KCNIP1: variants seen among roughly 807,000 people sequenced by gnomAD.
KCNIP1 encodes the protein A-type potassium channel modulatory protein KCNIP1.
In KCNIP1, 18 loss-of-function variants were observed where a neutral mutation model predicts 33.0. The observed-to-expected ratio is 0.55, with a 90% CI of 0.38 to 0.81. The LOEUF (loss-of-function observed/expected upper bound fraction) is 0.81. KCNIP1 is among the 30% of genes least tolerant of loss of function. The pLI is 0.00. For missense variants in KCNIP1, 238 were observed against 271.6 expected (o/e 0.88, Z 0.87); for synonymous variants, 93 against 98.3 (o/e 0.95, Z 0.32).
intron 1 of KCNIP1, among the ~76,000 whole-genome samples, chr5:170,496,622 C>A (rs1379054489): frequency 6.6e-6 from 1 of 152,188 alleles, no homozygotes; most frequent in Non-Finnish European, 1.5e-5. Context: ...CCTCAGGAGA[C>A]TAAAGCAGGG....
chr5:170,659,460 G>A (rs10043914), intron 1 of KCNIP1, among the ~76,000 whole-genome samples: 30,102 of 151,996 alleles, frequency 0.2, 3,835 homozygotes, highest in African/African-American at 0.36. Flanking sequence ...AAAATTTGGG[G>A]AAAAAAGCAA....
intron 1 of KCNIP1, among the ~76,000 whole-genome samples, chr5:170,426,020 T>G (rs1755605814): frequency 6.6e-6 from 1 of 152,162 alleles, no homozygotes; most frequent in South Asian, 2.1e-4. Flanking sequence ...CAGGTCAGTT[T>G]GGCAGTGTGC....
chr5:170,499,225 T>C (rs979799425), upstream of KCNIP1, among the ~76,000 whole-genome samples: 10 of 152,174 alleles, frequency 6.6e-5, no homozygotes, highest in African/African-American at 2.4e-4. Context: ...ATGGGGACCC[T>C]GAGAATAGAT....
At chr5:170,391,542 A>G (rs1754591260) in intron 1 of KCNIP1, among the ~76,000 whole-genome samples, 1 of 152,226 alleles carries the variant, frequency 6.6e-6, no homozygotes, top group Non-Finnish European at 1.5e-5. Flanking sequence ...GGGCAAGAAA[A>G]TAACAATGCT....
rs564298845 is a variant in KCNIP1, at chr5:170,418,858, C to A, written c.88+64894C>A. 7.9e-5 allele frequency among the ~76,000 whole-genome samples: 12 copies of A among 152,316 alleles called. No individual in the cohort carries two copies. In the South Asian group the frequency reaches 2.3e-3, roughly 29 times the overall value. On this transcript the variant is annotated intron_variant, in intron 1 of 7. Transcript: ENST00000377360. ...ATCCATACAAGTTCCTCAACCCTGG[C>A]TTTCTTGCCCTCAAGTAACCAGTTC... is the stretch of plus-strand genomic sequence containing the variant.
At chr5:170,387,647 AAG>A (rs1362189356) in intron 1 of KCNIP1, among the ~76,000 whole-genome samples, 1 of 152,178 alleles carries the variant, frequency 6.6e-6, no homozygotes, top group Non-Finnish European at 1.5e-5. Flanking sequence ...GCCCCCGACA[AAG>A]AGAGATGTTT....
At chr5:170,534,815 C>T (rs1212723675) in intron 1 of KCNIP1, among the ~76,000 whole-genome samples, 1 of 150,070 alleles carries the variant, frequency 6.7e-6, no homozygotes, top group Admixed American at 6.6e-5. Flanking sequence ...AGCTACCATA[C>T]CATGCCCGGC....
intron 1 of KCNIP1, among the ~76,000 whole-genome samples, chr5:170,453,066 G>A (rs1375778418): frequency 6.6e-6 from 1 of 152,130 alleles, no homozygotes; most frequent in Non-Finnish European, 1.5e-5. Flanking sequence ...TAAATTATAC[G>A]TCCGTGCAGT....
intron 1 of KCNIP1, among the ~76,000 whole-genome samples, chr5:170,392,145 C>T (rs906129332): frequency 2.0e-5 from 3 of 152,118 alleles, no homozygotes; most frequent in Admixed American, 6.5e-5. Flanking sequence ...AGGCCCCGTG[C>T]TCCAGCTGAC....
chr5:170,561,141 A>G, intron 1 of KCNIP1: 1 of 455,972 alleles, frequency 2.2e-6, no homozygotes, highest in Non-Finnish European at 4.4e-6. Context: ...GGAGCTGGAG[A>G]TGTGTTTATG....
intron 1 of KCNIP1, among the ~76,000 whole-genome samples, chr5:170,551,187 C>G (rs1379160875): frequency 6.6e-6 from 1 of 152,228 alleles, no homozygotes; most frequent in Non-Finnish European, 1.5e-5. Context: ...GGGTCCAGCT[C>G]AATGGTGAGA....
chr5:170,565,463 G>C (rs567009430), intron 1 of KCNIP1, among the ~76,000 whole-genome samples: 7 of 152,332 alleles, frequency 4.6e-5, no homozygotes, highest in African/African-American at 1.7e-4. Context: ...ACTGAGTAGA[G>C]AGTGTGGCCA....
At chr5:170,523,690 C>T (rs1240965959) in intron 1 of KCNIP1, among the ~76,000 whole-genome samples, 1 of 152,128 alleles carries the variant, frequency 6.6e-6, no homozygotes, top group Non-Finnish European at 1.5e-5. Flanking sequence ...CACCCCTGCC[C>T]ATTAGCACAT....
intron 5 of KCNIP1, among the ~76,000 whole-genome samples, chr5:170,728,011 A>AGGCTTTCTCT (rs1764067141): frequency 6.6e-6 from 1 of 152,242 alleles, no homozygotes. Context: ...ATGCAGGAAT[A>AGGCTTTCTCT]GCCCAGTAGC....
At chr5:170,604,946 ACTT>A (rs1019444387) in intron 1 of KCNIP1, among the ~76,000 whole-genome samples, 19 of 152,206 alleles carry the variant, frequency 1.2e-4, no homozygotes, top group African/African-American at 4.6e-4. Flanking sequence ...TCCTGAGCAG[ACTT>A]GGTTCTGAGC....
chr5:170,661,118 C>T (rs1761467528), intron 1 of KCNIP1, among the ~76,000 whole-genome samples: 1 of 152,104 alleles, frequency 6.6e-6, no homozygotes, highest in Admixed American at 6.5e-5. Flanking sequence ...GTTTGATCAC[C>T]CTGTCAGCCA....
At chr5:170,646,965 T>C (rs1000577317) in intron 1 of KCNIP1, among the ~76,000 whole-genome samples, 1 of 152,246 alleles carries the variant, frequency 6.6e-6, no homozygotes, top group East Asian at 1.9e-4. Context: ...AAGTAGAATA[T>C]GAAATTTAAA....
At chr5:170,584,451 A>G (rs1187444220) in intron 1 of KCNIP1, among the ~76,000 whole-genome samples, 3 of 152,190 alleles carry the variant, frequency 2.0e-5, no homozygotes, top group Non-Finnish European at 4.4e-5. Context: ...CAGAACTTGG[A>G]AAAGCTTACA....
chr5:170,732,758 C>G, intron 5 of KCNIP1, 42 bp from the exon 6 acceptor site: 1 of 1,348,978 alleles, frequency 7.4e-7, no homozygotes, highest in Non-Finnish European at 1.1e-6. Context: ...AGAGCTTGAC[C>G]TCATGGTTTC....
Sources: gnomAD v4.1 joint callset for allele counts (sites outside exome capture counted in the v4.1 genomes callset) on GRCh38, gnomAD v4.1.1 for gene constraint, MANE v1.5 for transcripts, NCBI Gene and HGNC (gene_info 2026-07-23, HGNC 2026-07-21) for gene names.